The following SERINC2 variants were observed in gnomAD, a reference collection of about 807,000 sequenced individuals.
SERINC2 encodes tumor differentially expressed protein 2.
SERINC2 carries 56 observed loss-of-function variants against 54.2 expected under a neutral mutation model. The ratio of observed to expected loss-of-function variants is 1.03; its 90% CI spans 0.83 to 1.29. SERINC2 has a LOEUF of 1.29. SERINC2 is among the 50% of genes most tolerant of loss of function. The probability of loss-of-function intolerance (pLI) is 0.00; values close to 1 mark genes in which losing one functional copy is unlikely to be tolerated. For missense variants in SERINC2, 614 were observed against 607.4 expected, an observed-to-expected ratio of 1.01 and a Z score of -0.12; for synonymous variants, 272 against 253.1, an observed-to-expected ratio of 1.07 and a Z score of -0.71.
chr1:31,418,391 T>A (rs1410674091), intron 1 of SERINC2, among the ~76,000 whole-genome samples: 3 of 152,086 alleles, frequency 2.0e-5, no homozygotes, highest in African/African-American at 7.2e-5. Flanking sequence ...TTTTATTAAA[T>A]TTTGAGACGA....
chr1:31,429,082 C>T lies in SERINC2; in HGVS notation c.871+14C>T. ...CCAGTATCCCTGGTAAGTATGGGCC[C>T]AGGCTCAAGGAGGCCTGGCCTCGTT... On this transcript the variant is annotated intron_variant, in intron 7 of 9. Transcript: ENST00000373709. 1 of 1,606,316 alleles carries T rather than the reference C, an allele frequency of 6.2e-7. No individual in the cohort carries two copies. Among genetic ancestry groups the T allele is most frequent in the Non-Finnish European group, 8.5e-7 (1 of 1,172,936 alleles).
chr1:31,424,615 T>G, intron 2 of SERINC2, 68 bp from the exon 3 acceptor site: 1 of 1,350,882 alleles, frequency 7.4e-7, no homozygotes, highest in Non-Finnish European at 1.0e-6. Flanking sequence ...AGGGCTCTGG[T>G]TTATAAAGGG....
At chr1:31,432,120 T>TAGGGTGGAC (rs1641291562) in intron 8 of SERINC2, among the ~76,000 whole-genome samples, 4 of 13,224 alleles carry the variant, frequency 3.0e-4, no homozygotes, top group South Asian at 2.8e-3. Context: ...ATAGGGTGGT[T>TAGGGTGGAC]AGGGTGGATA....
rs376191449 is a variant in SERINC2 at position 31,426,766 on chromosome 1, C to T, written c.723C>T (p.Ser241=). The change falls in exon 6 of 10, where the codon AGC becomes AGT. Residue 241 remains serine (S), a synonymous_variant. Coordinates refer to ENST00000373709, the MANE Select transcript of SERINC2 (RefSeq NM_178865.5). ...GCCACGAGGGCAAGGTCTTCATCAG[C>T]CTCAACCTCACCTTCTGTGTCTGCG... ...SGCHEGKVFI[S]LNLTFCVCVS... is the part of the protein sequence containing the mutation. The T allele has an allele frequency of 4.3e-6, 7 of 1,614,034 alleles. No homozygotes were observed. Among genetic ancestry groups the T allele is most frequent in the Non-Finnish European group, 5.9e-6 (7 of 1,180,022 alleles).
At chr1:31,409,860 G>T, upstream of SERINC2, 1 of 1,554,882 alleles carries the variant, frequency 6.4e-7, no homozygotes. Context: ...ATGGTAAGAG[G>T]GGATGGGGAG....
intron 1 of SERINC2, among the ~76,000 whole-genome samples, chr1:31,419,639 C>T (rs1408516995): frequency 4.6e-5 from 7 of 152,002 alleles, no homozygotes; most frequent in South Asian, 2.1e-4. Context: ...ACCAGCCTGG[C>T]CAACATGAGA....
chr1:31,422,018 G>A (rs1640912348), intron 1 of SERINC2, among the ~76,000 whole-genome samples: 1 of 152,022 alleles, frequency 6.6e-6, no homozygotes, highest in Non-Finnish European at 1.5e-5. Context: ...TTTTTAAAAG[G>A]CCAGGTGCAG....
intron 8 of SERINC2, among the ~76,000 whole-genome samples, chr1:31,432,453 A>C (rs1023915128): frequency 6.6e-6 from 1 of 152,118 alleles, no homozygotes; most frequent in Non-Finnish European, 1.5e-5. Flanking sequence ...CATGAAGGAA[A>C]GGGAGGCCAT....
chr1:31,417,411 C>G (rs1640805938), intron 1 of SERINC2, among the ~76,000 whole-genome samples: 1 of 152,196 alleles, frequency 6.6e-6, no homozygotes, highest in South Asian at 2.1e-4. Flanking sequence ...CTCACCCTTT[C>G]AGCTGCCCTG....
rs199997570 is a variant in SERINC2 at position 31,432,173 on chromosome 1, A to T, written c.1014-794A>T. Among the ~76,000 whole-genome samples, 138 of 121,938 alleles carry T rather than the reference A, an allele frequency of 1.1e-3. 3 individuals carry two copies. The highest frequency in any genetic ancestry group is 1.5e-3 in the Non-Finnish European group (84 of 56,802). The allele number at this position is 121,938 out of a possible 152,430, so 80.0% of individuals were successfully genotyped here. A position where few individuals can be genotyped will look rare whatever the true frequency, so the allele number is the denominator to read the frequency against. On this transcript the variant is annotated intron_variant, in intron 8 of 9. Coordinates refer to ENST00000373709, the MANE Select transcript of SERINC2 (RefSeq NM_178865.5). ...AGGGTGGACAGGGTGGATAGGGTGG[A>T]TAGGGTGGATAGGGTGGTTAGAGTG...
rs1640709813 is a variant in SERINC2 at position 31,413,930 on chromosome 1, A to C, written c.39+626A>C. 2.0e-6 allele frequency: 3 copies of C among 1,515,706 alleles called. No homozygotes were observed. The highest frequency in any genetic ancestry group is 2.1e-5 in the Admixed American group (1 of 48,752). The allele number at this position is 1,515,706 out of a possible 1,614,324, so 93.9% of individuals were successfully genotyped here. A position where few individuals can be genotyped will look rare whatever the true frequency, so the allele number is the denominator to read the frequency against. On this transcript the variant is annotated intron_variant, in intron 1 of 9. Transcript: ENST00000373709. This position sits in a 1 kb window ranked among gnomAD's most constrained non-coding sequence, Gnocchi z 5.0. ...CCCTCAGTCTCTCTGCGGTCCCTTTACCGTCCTCAGTCTGGCTCGCGCTGC... is the reference window on the plus strand; with the variant it reads ...CCCTCAGTCTCTCTGCGGTCCCTTTCCCGTCCTCAGTCTGGCTCGCGCTGC...
chr1:31,413,915 C>T lies in SERINC2; in HGVS notation c.39+611C>T. The T allele has an allele frequency of 6.7e-7, 1 of 1,489,856 alleles. No individual in the cohort carries two copies. The highest frequency in any genetic ancestry group is 1.3e-5 in the South Asian group (1 of 77,442). 92.3% of individuals were successfully genotyped at this position (1,489,856 alleles called of 1,614,324 possible). On this transcript the variant is annotated intron_variant, in intron 1 of 9. Coordinates refer to ENST00000373709, the MANE Select transcript of SERINC2 (RefSeq NM_178865.5). This position sits in a 1 kb window ranked among gnomAD's most constrained non-coding sequence, Gnocchi z 5.0. ...CGTCCGCCCGTCCGTCCCTCAGTCT[C>T]TCTGCGGTCCCTTTACCGTCCTCAG...
At chr1:31,429,619 A>C in intron 8 of SERINC2, 81 bp downstream of exon 8, 1 of 1,441,160 alleles carries the variant, frequency 6.9e-7, no homozygotes, top group Non-Finnish European at 9.4e-7. Flanking sequence ...GGGAGCCAGG[A>C]TACCAAACTG....
rs943870239 is a variant in SERINC2 at position 31,432,410 on chromosome 1, C to G, written c.1014-557C>G. ...GCTCATCACAGAAAAGCATGACATA[C>G]AATCATTACTGTTGTTCTTTTTTTA... is the stretch of plus-strand genomic sequence containing the variant. On this transcript the variant is annotated intron_variant, in intron 8 of 9. Transcript: ENST00000373709. 7.2e-5 allele frequency among the ~76,000 whole-genome samples: 11 copies of G among 152,142 alleles called. No individual in the cohort carries two copies. The East Asian group carries it at 2.1e-3, about 29-fold the overall frequency.
chr1:31,431,578 C>T (rs1553134472), intron 8 of SERINC2, among the ~76,000 whole-genome samples: 1 of 152,234 alleles, frequency 6.6e-6, no homozygotes, highest in Non-Finnish European at 1.5e-5. Flanking sequence ...TTTCCTGCTG[C>T]TTCCACACCC....
At chr1:31,432,077 GGGTGGT>G (rs1641277377) in intron 8 of SERINC2, among the ~76,000 whole-genome samples, 1 of 121,476 alleles carries the variant, frequency 8.2e-6, no homozygotes, top group African/African-American at 3.4e-5. Context: ...AGGGTGGACA[GGGTGGT>G]TAGGGTGGAC....
At chr1:31,409,915 A>G (rs1229347266), upstream of SERINC2, 14 of 1,417,576 alleles carry the variant, frequency 9.9e-6, no homozygotes, top group Non-Finnish European at 1.3e-5. Flanking sequence ...GTTCGTTCCT[A>G]TGTTGCAGAT....
rs1266678008 is a variant in SERINC2, at chr1:31,413,235, CGCCGGGCG to C, written c.-30_-23del. ...CCCGAGGTCCGCGCCCCGCGCCCGG[CGCCGGGCG>C]CCCGAAGCCGGGAGCCGCCGCCATG... On this transcript the variant is annotated 5_prime_UTR_variant, in exon 1 of 10. Coordinates refer to ENST00000373709, the MANE Select transcript of SERINC2 (RefSeq NM_178865.5). The surrounding 1 kb of genome is among the most constrained non-coding windows in gnomAD (Gnocchi z 5.0). The C allele has an allele frequency of 7.0e-6, 8 of 1,143,210 alleles. No homozygotes were observed. The highest frequency in any genetic ancestry group is 7.5e-6 in the Non-Finnish European group (7 of 934,180). The allele number at this position is 1,143,210 out of a possible 1,614,324, so 70.8% of individuals were successfully genotyped here.
chr1:31,429,569 T>A, intron 8 of SERINC2, 31 bp downstream of exon 8: 11 of 1,571,084 alleles, frequency 7.0e-6, no homozygotes, highest in Non-Finnish European at 9.5e-6. Context: ...TGGGGAAGGA[T>A]CATGATTGAG....
Sources: gnomAD v4.1 joint callset for allele counts (sites outside exome capture counted in the v4.1 genomes callset) on GRCh38, gnomAD v4.1.1 for gene constraint, Gnocchi (gnomAD v3.1) non-coding constraint, MANE v1.5 for transcripts, NCBI Gene and HGNC (gene_info 2026-07-23, HGNC 2026-07-21) for gene names.